The following RASSF8 variants were observed in gnomAD, a reference collection of about 807,000 sequenced individuals.
RASSF8 encodes the protein Ras association domain family member 8, also known as ras association domain-containing protein 8.
RASSF8 carries 22 observed loss-of-function variants against 48.5 expected under a neutral mutation model. That is an observed-to-expected ratio of 0.45 (90% CI 0.32 to 0.65). The LOEUF (loss-of-function observed/expected upper bound fraction) is 0.65, where lower values mean the gene tolerates loss of function less well. Ranked by LOEUF, RASSF8 falls within the 30% of genes least tolerant of loss-of-function variation. The pLI is 0.03. For missense variants in RASSF8, 418 were observed against 489.2 expected (o/e 0.85, Z 1.37); for synonymous variants, 127 against 171.5 (o/e 0.74, Z 2.03).
chr12:26,035,346 C>A (rs1943110550), intron 2 of RASSF8, among the ~76,000 whole-genome samples: 1 of 142,412 alleles, frequency 7.0e-6, no homozygotes, highest in Non-Finnish European at 1.5e-5. Flanking sequence ...AATTTTAAGC[C>A]CAGAAAATAC....
intron 1 of RASSF8, among the ~76,000 whole-genome samples, chr12:25,992,289 C>T (rs1942032603): frequency 6.6e-6 from 1 of 152,220 alleles, no homozygotes; most frequent in South Asian, 2.1e-4. Flanking sequence ...ACATTTCAAA[C>T]AGTTGTTGAA....
chr12:26,077,002 TC>T (rs1944078568), downstream of RASSF8, among the ~76,000 whole-genome samples: 2 of 152,266 alleles, frequency 1.3e-5, no homozygotes, highest in Admixed American at 1.3e-4. Flanking sequence ...GATTTGCATT[TC>T]TCTGATGACC....
At chr12:26,025,604 G>C (rs972476620) in intron 2 of RASSF8, among the ~76,000 whole-genome samples, 5 of 142,742 alleles carry the variant, frequency 3.5e-5, no homozygotes, top group Non-Finnish European at 7.6e-5. Context: ...AAAGGAAAAA[G>C]AACTAACTCT....
At chr12:26,058,907 C>G (rs1157168433) in intron 3 of RASSF8, among the ~76,000 whole-genome samples, 4 of 152,166 alleles carry the variant, frequency 2.6e-5, no homozygotes, top group African/African-American at 9.7e-5. Context: ...TAGTTGAAAC[C>G]TCTTCTTGGC....
intron 2 of RASSF8, among the ~76,000 whole-genome samples, chr12:26,006,060 G>GACAC (rs142505170): frequency 4.0e-5 from 6 of 150,920 alleles, no homozygotes; most frequent in South Asian, 4.2e-4. Context: ...TATGTGCACA[G>GACAC]ACACACACAC....
At chr12:25,986,635 T>C (rs927742346) in intron 1 of RASSF8, among the ~76,000 whole-genome samples, 2 of 152,204 alleles carry the variant, frequency 1.3e-5, no homozygotes, top group African/African-American at 4.8e-5. Context: ...CAGCTGCTCC[T>C]CTTAACCCAG....
Position 25,964,696 on chromosome 12 carries a change from T to G in RASSF8, c.-203+5548T>G, listed in dbSNP as rs79704956. ...GATAGATATTGGGCAGAAAGTAAGG[T>G]TTTACCCTTATTTTTGCTTAAAATA... On this transcript the variant is annotated intron_variant, in intron 1 of 5. Coordinates refer to ENST00000689635, the MANE Select transcript of RASSF8 (RefSeq NM_001394098.1). Among the ~76,000 whole-genome samples, 899 of 152,270 alleles carry G rather than the reference T, an allele frequency of 5.9e-3. 5 individuals carry two copies. Among genetic ancestry groups the G allele is most frequent in the African/African-American group, 0.02 (847 of 41,544 alleles).
downstream of RASSF8, among the ~76,000 whole-genome samples, chr12:26,075,742 T>G (rs1944066074): frequency 6.6e-6 from 1 of 152,108 alleles, no homozygotes; most frequent in Non-Finnish European, 1.5e-5. Flanking sequence ...AACAAAATAT[T>G]TTTAGGCATA....
chr12:26,033,398 A>G (rs1943068620), intron 2 of RASSF8, among the ~76,000 whole-genome samples: 1 of 152,244 alleles, frequency 6.6e-6, no homozygotes, highest in Non-Finnish European at 1.5e-5. Context: ...AATGACAAGA[A>G]TAATGAGATC....
chr12:26,058,347 A>G (rs1425334239), intron 3 of RASSF8, among the ~76,000 whole-genome samples: 2 of 152,218 alleles, frequency 1.3e-5, no homozygotes, highest in South Asian at 4.1e-4. Context: ...CTGCTCTGAA[A>G]AGCAACCCCA....
intron 3 of RASSF8, among the ~76,000 whole-genome samples, chr12:26,055,785 C>A (rs1481572829): frequency 6.6e-6 from 1 of 152,318 alleles, no homozygotes; most frequent in East Asian, 1.9e-4. Context: ...TTCCCAGAAT[C>A]CCTCATTAGG....
chr12:26,035,505 T>G (rs887090778), intron 2 of RASSF8, among the ~76,000 whole-genome samples: 1 of 143,338 alleles, frequency 7.0e-6, no homozygotes, highest in Admixed American at 7.2e-5. Flanking sequence ...AATTATATAA[T>G]TATATAATAT....
chr12:26,079,284 A>C (rs1944097381), exon 6 of RASSF8: 1 of 411,910 alleles, frequency 2.4e-6, no homozygotes, highest in Non-Finnish European at 4.3e-6. Flanking sequence ...CAAATAATCC[A>C]ATTAAAAATG....
intron 1 of RASSF8, among the ~76,000 whole-genome samples, chr12:25,963,678 G>A (rs1261421740): frequency 6.6e-6 from 1 of 152,136 alleles, no homozygotes; most frequent in Non-Finnish European, 1.5e-5. Flanking sequence ...CCACCTCGGG[G>A]GTTCCCAAAC....
intron 3 of RASSF8, among the ~76,000 whole-genome samples, chr12:26,063,651 T>C (rs1311801996): frequency 6.6e-6 from 1 of 152,146 alleles, no homozygotes; most frequent in East Asian, 1.9e-4. Flanking sequence ...CTGCCCACCT[T>C]TGCCTCCCAA....
downstream of RASSF8, among the ~76,000 whole-genome samples, chr12:26,073,814 A>G (rs1426470198): frequency 1.1e-5 from 1 of 94,908 alleles, no homozygotes; most frequent in Non-Finnish European, 1.9e-5. Context: ...ACACATATAT[A>G]TACACATACA....
At chr12:26,004,194 C>T (rs1942329961) in intron 2 of RASSF8, among the ~76,000 whole-genome samples, 1 of 152,072 alleles carries the variant, frequency 6.6e-6, no homozygotes, top group Non-Finnish European at 1.5e-5. Context: ...AAAAACAAAA[C>T]TTCTTGAGAC....
intron 1 of RASSF8, among the ~76,000 whole-genome samples, chr12:25,964,117 G>C (rs1432851326): frequency 6.6e-6 from 1 of 152,186 alleles, no homozygotes; most frequent in Non-Finnish European, 1.5e-5. Context: ...GTGGAGGAGA[G>C]GAAAGTTATG....
intron 2 of RASSF8, among the ~76,000 whole-genome samples, chr12:26,001,840 A>G (rs1339732597): frequency 6.6e-6 from 1 of 152,242 alleles, no homozygotes; most frequent in Non-Finnish European, 1.5e-5. Flanking sequence ...AGTATAGTAA[A>G]TACACAAACT....
Sources: allele counts gnomAD v4.1 joint callset (sites outside exome capture counted in the v4.1 genomes callset), GRCh38; gene constraint gnomAD v4.1.1; transcripts MANE v1.5; gene names NCBI Gene and HGNC (gene_info 2026-07-23, HGNC 2026-07-21).